ZNF124: variants seen among roughly 807,000 people sequenced by gnomAD.
The protein encoded by ZNF124 is zinc finger protein 124.
Under a neutral mutation model 26.6 loss-of-function variants are expected in ZNF124, and 25 were observed. The ratio of observed to expected loss-of-function variants is 0.94; its 90% CI spans 0.68 to 1.31. The LOEUF (loss-of-function observed/expected upper bound fraction) is 1.31, where lower values mean the gene tolerates loss of function less well. ZNF124 is among the 40% of genes most tolerant of loss of function. The pLI, the probability that ZNF124 is intolerant of heterozygous loss-of-function variation, is 0.00. For synonymous variants in ZNF124, 129 were observed against 133.3 expected (o/e 0.97, Z 0.22); for missense variants, 444 against 422.2 (o/e 1.05, Z -0.45).
intron 1 of ZNF124, among the ~76,000 whole-genome samples, chr1:247,162,523 C>T (rs1038396638): frequency 9.9e-5 from 15 of 151,232 alleles, no homozygotes; most frequent in Admixed American, 2.6e-4. Flanking sequence ...CGTAAGTACA[C>T]GCTATTATGT....
intron 3 of ZNF124, among the ~76,000 whole-genome samples, chr1:247,143,550 CAG>C (rs1427738136): frequency 1.3e-5 from 2 of 152,206 alleles, no homozygotes; most frequent in African/African-American, 4.8e-5. Context: ...AAGTTTTTGA[CAG>C]AAGCTTTGAA....
chr1:247,165,781 A>G (rs894241596), intron 1 of ZNF124, among the ~76,000 whole-genome samples: 1 of 152,220 alleles, frequency 6.6e-6, no homozygotes, highest in Non-Finnish European at 1.5e-5. Context: ...CAAAAGATAT[A>G]CAAACATGAG....
chr1:247,139,712 T>C (rs1462824989), intron 3 of ZNF124, among the ~76,000 whole-genome samples: 1 of 152,214 alleles, frequency 6.6e-6, no homozygotes, highest in Non-Finnish European at 1.5e-5. Context: ...CCCTCAGCAT[T>C]TGCTTGTCTG....
chr1:247,161,253 G>A (rs1198431963), intron 1 of ZNF124, among the ~76,000 whole-genome samples: 1 of 152,184 alleles, frequency 6.6e-6, no homozygotes, highest in Non-Finnish European at 1.5e-5. Context: ...AAGGCATATA[G>A]TCTTTAATTA....
intron 3 of ZNF124, among the ~76,000 whole-genome samples, 161 bp downstream of exon 3, chr1:247,158,843 GGT>G (rs1415982604): frequency 3.3e-5 from 5 of 152,060 alleles, no homozygotes; most frequent in Non-Finnish European, 7.4e-5. Flanking sequence ...TGGTCAGGCT[GGT>G]CTCAAACTCC....
rs1390554916 is a variant in ZNF124, at chr1:247,157,089, T to C, written c.533A>G (p.Tyr178Cys). ...GGCTTTCCCACATTGCTTACATTCA[T>C]AGCGTTTTTCTCCAGTGTGAATCCT... ...HKRIHTGEKR[Y>C]ECKQCGKAFS... Residue 178 changes from tyrosine (Y) to cysteine (C), a missense_variant, in exon 4 of 4, where the codon TAT becomes TGT. Physicochemically the swap from Tyr to Cys is radical, Grantham distance 194. Coordinates refer to ENST00000543802, the MANE Select transcript of ZNF124 (RefSeq NM_001297568.2). 1 of 1,614,108 alleles carries C rather than the reference T, an allele frequency of 6.2e-7. No homozygotes were observed. The highest frequency in any genetic ancestry group is 8.5e-7 in the Non-Finnish European group (1 of 1,180,048).
intron 3 of ZNF124, among the ~76,000 whole-genome samples, chr1:247,149,171 T>C (rs1184436823): frequency 6.6e-6 from 1 of 152,166 alleles, no homozygotes; most frequent in African/African-American, 2.4e-5. Flanking sequence ...AAGAAACGCT[T>C]ATACAAGATG....
intron 1 of ZNF124, among the ~76,000 whole-genome samples, chr1:247,164,614 CAGAG>C (rs1333234445): frequency 6.6e-6 from 1 of 151,078 alleles, no homozygotes; most frequent in South Asian, 2.1e-4. Flanking sequence ...ACAAAACAAA[CAGAG>C]ATGATACAAA....
intron 2 of ZNF124, among the ~76,000 whole-genome samples, chr1:247,159,278 C>G (rs1367979608): frequency 6.6e-6 from 1 of 152,140 alleles, no homozygotes; most frequent in Non-Finnish European, 1.5e-5. Flanking sequence ...TTCTCTTACT[C>G]TTGCAAGACT....
intron 1 of ZNF124, among the ~76,000 whole-genome samples, chr1:247,162,501 C>T (rs1308292553): frequency 6.6e-6 from 1 of 151,144 alleles, no homozygotes; most frequent in Non-Finnish European, 1.5e-5. Flanking sequence ...TATATTATGC[C>T]ATCTAGGTTT....
chr1:247,136,388 A>G (rs945630889), intron 3 of ZNF124, among the ~76,000 whole-genome samples: 4 of 152,142 alleles, frequency 2.6e-5, no homozygotes, highest in African/African-American at 9.6e-5. Context: ...ATGAACTCCC[A>G]TTCACAATCA....
intron 3 of ZNF124, among the ~76,000 whole-genome samples, chr1:247,146,410 T>C (rs1220943261): frequency 6.6e-6 from 1 of 152,188 alleles, no homozygotes. Flanking sequence ...CACCTCAAAA[T>C]TGGAATACAA....
chr1:247,152,459 C>G (rs1401727221), downstream of ZNF124, among the ~76,000 whole-genome samples: 3 of 151,764 alleles, frequency 2.0e-5, no homozygotes, highest in African/African-American at 7.3e-5. Flanking sequence ...CCAAATATAT[C>G]CATTATAATA....
chr1:247,164,152 A>G (rs950930995), intron 1 of ZNF124, among the ~76,000 whole-genome samples: 2 of 152,244 alleles, frequency 1.3e-5, no homozygotes, highest in Admixed American at 6.5e-5. Flanking sequence ...CTTCAAAATA[A>G]TAAGAGCTAT....
intron 3 of ZNF124, among the ~76,000 whole-genome samples, chr1:247,145,351 T>G (rs1672734922): frequency 6.6e-6 from 1 of 152,208 alleles, no homozygotes; most frequent in South Asian, 2.1e-4. Flanking sequence ...GAGATTAGTT[T>G]CAAGGGACAC....
Position 247,157,382 on chromosome 1 carries a change from T to C in ZNF124, c.240A>G (p.Gly80=). 5.8e-6 allele frequency: 9 copies of C among 1,552,714 alleles called. No homozygotes were observed. Among genetic ancestry groups the C allele is most frequent in the Non-Finnish European group, 7.8e-6 (9 of 1,147,368 alleles). ...RNLRHIISHS[G]NNPYGCEECG... is the part of the protein sequence containing the mutation. ...ATTCCTCACACCCATATGGGTTGTT[T>C]CCAGAATGAGATATGATGTGCCTAT... Residue 80 remains glycine (G), a synonymous_variant, in exon 4 of 4, where the codon GGA becomes GGG. Coordinates refer to ENST00000543802, the MANE Select transcript of ZNF124 (RefSeq NM_001297568.2).
downstream of ZNF124, among the ~76,000 whole-genome samples, chr1:247,154,686 C>T (rs1050693170): frequency 6.6e-6 from 1 of 152,058 alleles, no homozygotes; most frequent in Non-Finnish European, 1.5e-5. Flanking sequence ...CCCAAAAAAG[C>T]AATGTTGTTT....
intron 3 of ZNF124, among the ~76,000 whole-genome samples, chr1:247,135,515 T>G (rs1357214331): frequency 1.3e-5 from 2 of 151,782 alleles, no homozygotes; most frequent in Non-Finnish European, 2.9e-5. Flanking sequence ...AATAACAAGC[T>G]CTGAAATTGA....
chr1:247,156,531 C>A lies in ZNF124; in HGVS notation c.*35G>T. 1 of 1,497,740 alleles carries A rather than the reference C, an allele frequency of 6.7e-7. No homozygotes were observed. The highest frequency in any genetic ancestry group is 1.4e-5 in the South Asian group (1 of 69,742). The allele number at this position is 1,497,740 out of a possible 1,614,324, so 92.8% of individuals were successfully genotyped here. ...AGTTTCTCTCAAGTATGTGACTGTT[C>A]ATGTTTTTGACAAAAACTGTAGTGA... On this transcript the variant is annotated 3_prime_UTR_variant, in exon 4 of 4. Transcript: ENST00000543802.
Sources: allele counts gnomAD v4.1 joint callset (sites outside exome capture counted in the v4.1 genomes callset), GRCh38; gene constraint gnomAD v4.1.1; transcripts MANE v1.5; gene names NCBI Gene and HGNC (gene_info 2026-07-23, HGNC 2026-07-21).